Variants in ANXA7 observed in about 807,000 individuals in gnomAD.
ANXA7 encodes the protein annexin A7.
Under a neutral mutation model 64.9 loss-of-function variants are expected in ANXA7, and 55 were observed. The ratio of observed to expected loss-of-function variants is 0.85; its 90% CI spans 0.68 to 1.06. ANXA7 has a LOEUF of 1.06. ANXA7 is among the 50% of genes least tolerant of loss of function. The pLI is 0.00. For missense variants in ANXA7, 548 were observed against 582.1 expected (o/e 0.94, Z 0.60); for synonymous variants, 200 against 192.4 (o/e 1.04, Z -0.33).
chr10:73,376,264 G>C (rs201868789), intron 12 of ANXA7, 47 bp from the exon 13 acceptor site: 45 of 1,499,054 alleles, frequency 3.0e-5, no homozygotes, highest in Non-Finnish European at 3.9e-5. Flanking sequence ...TGTGACAACT[G>C]ACATTTCTTA....
chr10:73,393,422 C>G (rs964196768), intron 5 of ANXA7, among the ~76,000 whole-genome samples: 5 of 152,110 alleles, frequency 3.3e-5, no homozygotes, highest in African/African-American at 1.2e-4. Context: ...GCCAAAAGAA[C>G]AAAGCTGGAG....
At chr10:73,404,808 A>G (rs1311964646) in intron 1 of ANXA7, among the ~76,000 whole-genome samples, 1 of 152,092 alleles carries the variant, frequency 6.6e-6, no homozygotes, top group Non-Finnish European at 1.5e-5. Context: ...TCAAAAGAAT[A>G]CCCTCTTAGC....
At chr10:73,397,446 A>C (rs2055594366) in intron 3 of ANXA7, among the ~76,000 whole-genome samples, 172 bp from the exon 4 acceptor site, 1 of 152,132 alleles carries the variant, frequency 6.6e-6, no homozygotes, top group South Asian at 2.1e-4. Flanking sequence ...ATAAGTTTTT[A>C]AATTTTTACC....
chr10:73,383,037 G>T, intron 9 of ANXA7, 138 bp downstream of exon 9: 1 of 696,206 alleles, frequency 1.4e-6, no homozygotes. Flanking sequence ...TCTGTACACT[G>T]GTTTCTGTGT....
Position 73,378,974 on chromosome 10 carries a change from A to G in ANXA7, c.1215T>C (p.Tyr405=). Residue 405 remains tyrosine, a synonymous_variant, in exon 12 of 13, where the codon TAT becomes TAC. Transcript: ENST00000372921. ...RPAFFAERLY[Y]AMKGAGTDDS... ...CATCTGTGCCAGCACCTTTCATAGC[A>G]TAGTAGAGCCTCTCAGCAAAGAAGG... 6.2e-7 allele frequency: 1 copy of G among 1,613,708 alleles called. No individual in the cohort carries two copies. The highest frequency in any genetic ancestry group is 8.5e-7 in the Non-Finnish European group (1 of 1,179,776).
At chr10:73,398,555 G>T (rs1034851741) in intron 2 of ANXA7, among the ~76,000 whole-genome samples, 170 bp from the exon 3 acceptor site, 2 of 152,046 alleles carry the variant, frequency 1.3e-5, no homozygotes, top group African/African-American at 4.8e-5. Context: ...ATACCAGTTT[G>T]TAAGGACACT....
In ANXA7 at chr10:73,398,277, G is replaced by T. The variant is rs201537890; in HGVS notation, c.163C>A (p.Pro55Thr). The change falls in exon 3 of 13, where the codon CCA (proline) becomes ACA (threonine). Residue 55 changes from proline to threonine, a missense_variant. Transcript: ENST00000372921. ...GGCGCAGGGTAGCCTCCAGCTCCTGGGTAGCCACTACTTGGCACTTGTGGG... is the reference window on the plus strand; with the variant it reads ...GGCGCAGGGTAGCCTCCAGCTCCTGTGTAGCCACTACTTGGCACTTGTGGG... ...AYPQVPSSGY[P>T]GAGGYPAPGG... The T allele has an allele frequency of 6.2e-6, 10 of 1,613,352 alleles. No individual in the cohort carries two copies. The highest frequency in any genetic ancestry group is 8.5e-6 in the Non-Finnish European group (10 of 1,179,962).
intron 5 of ANXA7, among the ~76,000 whole-genome samples, chr10:73,393,243 T>C (rs1237851515): frequency 1.3e-5 from 2 of 152,192 alleles, no homozygotes; most frequent in Admixed American, 6.6e-5. Flanking sequence ...TCCATGCTCA[T>C]GGATAGGAAG....
At chr10:73,407,713 A>G (rs2055780396) in intron 1 of ANXA7, among the ~76,000 whole-genome samples, 1 of 152,228 alleles carries the variant, frequency 6.6e-6, no homozygotes, top group South Asian at 2.1e-4. Flanking sequence ...GTGCTGATAG[A>G]AAGATTAAGT....
chr10:73,403,595 A>C (rs2055708304), intron 1 of ANXA7, among the ~76,000 whole-genome samples: 2 of 152,228 alleles, frequency 1.3e-5, no homozygotes, highest in Non-Finnish European at 2.9e-5. Context: ...TAGTCTTTTA[A>C]CTATTACAGT....
At chr10:73,381,075 T>C (rs2055267385) in intron 9 of ANXA7, among the ~76,000 whole-genome samples, 1 of 152,112 alleles carries the variant, frequency 6.6e-6, no homozygotes, top group Non-Finnish European at 1.5e-5. Flanking sequence ...TTTCACTATG[T>C]TGCCCAGGCT....
chr10:73,381,121 C>T (rs2055268228), intron 9 of ANXA7, among the ~76,000 whole-genome samples: 1 of 151,988 alleles, frequency 6.6e-6, no homozygotes. Context: ...TGATCATAGC[C>T]TCAAACTCCT....
chr10:73,403,170 C>T (rs1490852524), intron 1 of ANXA7, among the ~76,000 whole-genome samples: 5 of 152,064 alleles, frequency 3.3e-5, no homozygotes, highest in Admixed American at 2.0e-4. Context: ...TGGCCAACAC[C>T]CACACTCTTC....
intron 1 of ANXA7, among the ~76,000 whole-genome samples, chr10:73,401,144 T>C (rs2055657172): frequency 6.6e-6 from 1 of 152,034 alleles, no homozygotes; most frequent in Non-Finnish European, 1.5e-5. Context: ...AACCTGGTGA[T>C]CCACCTGCCT....
rs527294474 is a variant in ANXA7, at chr10:73,377,932, C to T, written c.1278+979G>A. On this transcript the variant is annotated intron_variant, in intron 12 of 12. Coordinates refer to ENST00000372921, the MANE Select transcript of ANXA7 (RefSeq NM_001156.5). ...GTGTGTGTGTGTGTGTGTGTGTGTG[C>T]GCGCGCGTGTGTTTTTTGTAGAAAT... Among the ~76,000 whole-genome samples, 940 of 126,704 alleles carry T rather than the reference C, an allele frequency of 7.4e-3. 14 individuals are homozygous for T. The highest frequency in any genetic ancestry group is 6.9e-3 in the Non-Finnish European group (417 of 60,434). 83.1% of individuals were successfully genotyped at this position (126,704 alleles called of 152,430 possible).
intron 1 of ANXA7, chr10:73,408,305 C>T (rs1265775111): frequency 8.4e-6 from 1 of 118,484 alleles, no homozygotes; most frequent in East Asian, 2.3e-4. Flanking sequence ...AAAGAAAAGA[C>T]AAGACAAGAC....
At chr10:73,399,878 A>G (rs2055633621) in intron 2 of ANXA7, among the ~76,000 whole-genome samples, 1 of 151,754 alleles carries the variant, frequency 6.6e-6, no homozygotes, top group Non-Finnish European at 1.5e-5. Context: ...GCAATGGCTC[A>G]TGCCTATAAT....
At chr10:73,388,989 AT>A (rs2055424845) in intron 5 of ANXA7, among the ~76,000 whole-genome samples, 1 of 152,250 alleles carries the variant, frequency 6.6e-6, no homozygotes, top group Non-Finnish European at 1.5e-5. Context: ...GGGTGCTAAA[AT>A]TAGGTGGCAA....
intron 5 of ANXA7, among the ~76,000 whole-genome samples, chr10:73,393,468 G>T (rs928686830): frequency 6.6e-6 from 1 of 152,140 alleles, no homozygotes; most frequent in East Asian, 1.9e-4. Context: ...ATACTACAAG[G>T]CTACAGTAAC....
Sources: allele counts gnomAD v4.1 joint callset (sites outside exome capture counted in the v4.1 genomes callset), GRCh38; gene constraint gnomAD v4.1.1; transcripts MANE v1.5; gene names NCBI Gene and HGNC (gene_info 2026-07-23, HGNC 2026-07-21).